ADGRL1: variants seen among roughly 807,000 people sequenced by gnomAD.
ADGRL1 encodes adhesion G protein-coupled receptor L1, also known as CIRL-1.
ADGRL1 carries 31 observed loss-of-function variants against 148.9 expected under a neutral mutation model. That is an observed-to-expected ratio of 0.21 (90% CI 0.16 to 0.28). ADGRL1 has a LOEUF of 0.28. ADGRL1 is among the 10% of genes least tolerant of loss of function. The pLI is 1.00. For synonymous variants in ADGRL1, 937 were observed against 900.3 expected (o/e 1.04, Z -0.73); for missense variants, 1,521 against 2,058.8 (o/e 0.74, Z 5.05).
In ADGRL1 at chr19:14,158,473, G is replaced by A. The variant is rs144156661; in HGVS notation, c.2229C>T (p.Ala743=). 1,326 of 1,614,012 alleles carry A rather than the reference G, an allele frequency of 8.2e-4. 10 individuals are homozygous for A. The Admixed American group carries it at 0.01, about 13-fold the overall frequency. The part of the protein sequence containing the change: ...LSTENATVKL[A]GEAGPGGPGG... Reference sequence around the variant, plus strand: ...CAGGGCCACCCGGGCCTGCTTCGCCGGCCAGCTTCACTGTGGCATTCTCCG... The same window carrying A: ...CAGGGCCACCCGGGCCTGCTTCGCCAGCCAGCTTCACTGTGGCATTCTCCG... Residue 743 remains alanine (A), a synonymous_variant, in exon 12 of 23, where the codon GCC becomes GCT. Transcript: ENST00000361434.
intron 4 of ADGRL1, among the ~76,000 whole-genome samples, chr19:14,167,958 G>A (rs563887391): frequency 5.9e-5 from 9 of 152,258 alleles, no homozygotes; most frequent in South Asian, 2.1e-4. Flanking sequence ...GAAGGGGCGC[G>A]GTTAGACTGT....
chr19:14,190,489 A>C lies in ADGRL1; in HGVS notation c.-95-6792T>G, dbSNP rs1278607538. On this transcript the variant is annotated intron_variant, in intron 1 of 22. Coordinates refer to ENST00000361434, the MANE Select transcript of ADGRL1 (RefSeq NM_014921.5). The stretch of plus-strand genomic sequence containing the variant: ...GCTATGTTGTTCAGGCTGGCCTTGC[A>C]CTCCTGGCGTCAAGCGATGCTCCCG... Among the ~76,000 whole-genome samples, 4 of 151,810 alleles carry C rather than the reference A, an allele frequency of 2.6e-5. No homozygotes were observed. The East Asian group carries it at 7.8e-4, about 30-fold the overall frequency.
At chr19:14,190,032 A>G (rs1040233238) in intron 1 of ADGRL1, among the ~76,000 whole-genome samples, 1 of 151,648 alleles carries the variant, frequency 6.6e-6, no homozygotes, top group Non-Finnish European at 1.5e-5. Context: ...AGTTCAAGCA[A>G]TTCTCGTGCC....
intron 1 of ADGRL1, among the ~76,000 whole-genome samples, chr19:14,194,120 T>G (rs1972113926): frequency 6.6e-6 from 1 of 152,186 alleles, no homozygotes; most frequent in South Asian, 2.1e-4. Flanking sequence ...GGGATGCACC[T>G]GTAGTCCCAG....
intron 4 of ADGRL1, among the ~76,000 whole-genome samples, chr19:14,166,702 G>A (rs1970007580): frequency 7.1e-6 from 1 of 141,720 alleles, no homozygotes; most frequent in Admixed American, 7.0e-5. Flanking sequence ...GGCAAAAGAA[G>A]TATGAGAAAA....
Position 14,183,612 on chromosome 19 carries a change from C to G in ADGRL1, c.-10G>C. ...CGGCTAGGCGGGCCATGGTGGCAGC[C>G]GGGTGCGTGTCCGGAGCTCTCAGTG... is the stretch of plus-strand genomic sequence containing the variant. On this transcript the variant is annotated 5_prime_UTR_variant, in exon 2 of 23. Transcript: ENST00000361434. The G allele has an allele frequency of 6.4e-7, 1 of 1,566,820 alleles. No individual in the cohort carries two copies. Among genetic ancestry groups the G allele is most frequent in the Non-Finnish European group, 8.7e-7 (1 of 1,155,420 alleles).
Position 14,157,341 on chromosome 19 carries a change from G to T in ADGRL1, c.2655C>A (p.Thr885=), listed in dbSNP as rs372577340. The change falls in exon 14 of 23, where the codon ACC becomes ACA. Residue 885 remains threonine (T), a synonymous_variant. Transcript: ENST00000361434. The surrounding 1 kb of genome is among the most constrained non-coding windows in gnomAD (Gnocchi z 7.5). ...GGTTCTTGTGGATGGTGTTGCGGTCGGTCTGCAGCCCCCGCAGGAAGCAGA... is the reference window on the plus strand; with the variant it reads ...GGTTCTTGTGGATGGTGTTGCGGTCTGTCTGCAGCCCCCGCAGGAAGCAGA... ...STFCFLRGLQ[T]DRNTIHKNLC... The T allele has an allele frequency of 1.2e-6, 2 of 1,614,182 alleles. No homozygotes were observed. Among genetic ancestry groups the T allele is most frequent in the Admixed American group, 3.3e-5 (2 of 60,024 alleles).
rs1971380455 is a variant in ADGRL1, at chr19:14,183,656, G to GC, written c.-55dup. 6.8e-7 allele frequency: 1 copy of GC among 1,472,916 alleles called. No homozygotes were observed. Among genetic ancestry groups the GC allele is most frequent in the South Asian group, 1.2e-5 (1 of 80,878 alleles). The allele number at this position is 1,472,916 out of a possible 1,614,324, so 91.2% of individuals were successfully genotyped here. A position where few individuals can be genotyped will look rare whatever the true frequency, so the allele number is the denominator to read the frequency against. ...CTCAGTGGCCTGTGCGGGGGGCTTTGCCCCACATCACCTGGCAGGCACCAC... is the reference window on the plus strand; with the variant it reads ...CTCAGTGGCCTGTGCGGGGGGCTTTGCCCCCACATCACCTGGCAGGCACCAC... On this transcript the variant is annotated 5_prime_UTR_variant, in exon 2 of 23. It removes the in-frame stop codon of an upstream open reading frame in the 5' UTR. Coordinates refer to ENST00000361434, the MANE Select transcript of ADGRL1 (RefSeq NM_014921.5).
chr19:14,167,631 C>A (rs1377511060), intron 4 of ADGRL1, among the ~76,000 whole-genome samples: 1 of 152,140 alleles, frequency 6.6e-6, no homozygotes, highest in Non-Finnish European at 1.5e-5. Flanking sequence ...CAGCTGACTT[C>A]CCCCAAGCCC....
At chr19:14,170,630 A>G (rs1970387887) in intron 4 of ADGRL1, 52 bp downstream of exon 4, 1 of 1,099,664 alleles carries the variant, frequency 9.1e-7, no homozygotes, top group Non-Finnish European at 1.4e-6. Flanking sequence ...TCTCCTCCTC[A>G]CTCACTCATG....
chr19:14,176,012 C>A (rs1970799118), intron 3 of ADGRL1, among the ~76,000 whole-genome samples: 1 of 151,532 alleles, frequency 6.6e-6, no homozygotes. Context: ...TGAGATCACA[C>A]CACTGCACTG....
chr19:14,198,850 C>T (rs1972427879), intron 1 of ADGRL1, among the ~76,000 whole-genome samples: 1 of 152,216 alleles, frequency 6.6e-6, no homozygotes, highest in African/African-American at 2.4e-5. Context: ...TGACTTGCAA[C>T]TCTGTTGCGC....
chr19:14,190,811 G>T (rs113720388), intron 1 of ADGRL1, among the ~76,000 whole-genome samples: 1 of 152,044 alleles, frequency 6.6e-6, no homozygotes, highest in African/African-American at 2.4e-5. Context: ...ATCTTGGCCG[G>T]GCGCAGTGGC....
chr19:14,179,029 C>CA, intron 2 of ADGRL1, among the ~76,000 whole-genome samples: 5 of 151,766 alleles, frequency 3.3e-5, no homozygotes. Flanking sequence ...ACTAAAAATA[C>CA]AAAAATCAGC....
chr19:14,159,326 C>G lies in ADGRL1; in HGVS notation c.2023+75G>C, dbSNP rs542731864. 89 of 1,571,830 alleles carry G rather than the reference C, an allele frequency of 5.7e-5. No homozygotes were observed. In the East Asian group the frequency reaches 1.5e-3, roughly 27 times the overall value. ...AGATGCCCAAGGGTCGGATAGCCCC[C>G]CTGTGGCCTCCAGGCCAGAACCCCG... is the stretch of plus-strand genomic sequence containing the variant. On this transcript the variant is annotated intron_variant, in intron 10 of 22. Transcript: ENST00000361434. This position sits in a 1 kb window ranked among gnomAD's most constrained non-coding sequence, Gnocchi z 6.0.
rs1968020776 is a variant in ADGRL1 at position 14,150,096 on chromosome 19, G to GTT, written c.*776_*777insAA. The stretch of plus-strand genomic sequence containing the variant: ...CAAAATCTGCTCCCCAGATAGCCGA[G>GTT]CCCACAGGACTGGGAACTGCCCAAA... On this transcript the variant is annotated 3_prime_UTR_variant, in exon 23 of 23. Transcript: ENST00000361434. The GTT allele has an allele frequency of 6.6e-6, 1 of 152,446 alleles. No individual in the cohort carries two copies. Among genetic ancestry groups the GTT allele is most frequent in the Non-Finnish European group, 1.5e-5 (1 of 68,058 alleles). 9.4% of individuals were successfully genotyped at this position (152,446 alleles called of 1,614,324 possible).
chr19:14,157,002 C>T lies in ADGRL1; in HGVS notation c.2889G>A (p.Leu963=). 3 of 1,613,932 alleles carry T rather than the reference C, an allele frequency of 1.9e-6. No homozygotes were observed. The highest frequency in any genetic ancestry group is 2.5e-6 in the Non-Finnish European group (3 of 1,179,972). ...SEYSRTKYYY[L]GGYCFPALVV... ...CCAGGGCCGGGAAGCAGTAGCCACC[C>T]AGGTAGTAGTACTTGGTGCGGGAAT... is the stretch of plus-strand genomic sequence containing the variant. The change falls in exon 15 of 23, where the codon CTG becomes CTA. Residue 963 remains leucine (L), a synonymous_variant. Transcript: ENST00000361434. The surrounding 1 kb of genome is among the most constrained non-coding windows in gnomAD (Gnocchi z 7.5).
At chr19:14,185,135 C>T (rs914140766) in intron 1 of ADGRL1, among the ~76,000 whole-genome samples, 2 of 152,040 alleles carry the variant, frequency 1.3e-5, no homozygotes, top group Non-Finnish European at 2.9e-5. Flanking sequence ...TCCTTCTCAC[C>T]TCTCTCCCCG....
In ADGRL1 at chr19:14,161,605, AG is replaced by A; in HGVS notation, c.1216del (p.Leu406SerfsTer164). 2 of 1,412,654 alleles carry A rather than the reference AG, an allele frequency of 1.4e-6. No homozygotes were observed. Among genetic ancestry groups the A allele is most frequent in the Non-Finnish European group, 9.2e-7 (1 of 1,087,356 alleles). 87.5% of individuals were successfully genotyped at this position (1,412,654 alleles called of 1,614,324 possible). A position where few individuals can be genotyped will look rare whatever the true frequency, so the allele number is the denominator to read the frequency against. On this transcript the variant is annotated frameshift_variant, in exon 6 of 23. Coordinates refer to ENST00000361434, the MANE Select transcript of ADGRL1 (RefSeq NM_014921.5). LOFTEE classifies it high-confidence loss of function. The surrounding 1 kb of genome is among the most constrained non-coding windows in gnomAD (Gnocchi z 4.4). ...GGGCCTGGCTGTGGTGGTCGTGCTG[AG>A]GGGTGGGGAAGTGGCTGGGCCTGGA... Reference protein sequence around the residue: ...PSAGPATSPPLSTTTTARPTP... With the variant: ...PSAGPATSPPXSTTTTARPTP...
Sources: gnomAD v4.1 joint callset for allele counts (sites outside exome capture counted in the v4.1 genomes callset) on GRCh38, gnomAD v4.1.1 for gene constraint, Gnocchi (gnomAD v3.1) non-coding constraint, MANE v1.5 for transcripts, NCBI Gene and HGNC (gene_info 2026-07-23, HGNC 2026-07-21) for gene names.